The following ATP2C1 variants were observed in gnomAD, a reference collection of about 807,000 sequenced individuals.
The protein encoded by ATP2C1 is ATPase secretory pathway Ca2+ transporting 1, also known as calcium-transporting ATPase type 2C member 1.
Under a neutral mutation model 120.5 loss-of-function variants are expected in ATP2C1, and 31 were observed. The ratio of observed to expected loss-of-function variants is 0.26; its 90% CI spans 0.19 to 0.35. The LOEUF is 0.35. ATP2C1 is among the 10% of genes least tolerant of loss of function. ATP2C1 has a pLI of 1.00. For synonymous variants in ATP2C1, 351 were observed against 358.7 expected, an observed-to-expected ratio of 0.98 and a Z score of 0.24; for missense variants, 731 against 1,107.5, an observed-to-expected ratio of 0.66 and a Z score of 4.83.
intron 12 of ATP2C1, 22 bp from the exon 13 acceptor site, chr3:130,963,949 A>G (rs2060939920): frequency 6.2e-7 from 1 of 1,611,986 alleles, no homozygotes; most frequent in Non-Finnish European, 8.5e-7. Flanking sequence ...ACATTTTAAT[A>G]CTTTGTATAT....
chr3:130,995,720 A>G (rs1263100483), intron 22 of ATP2C1, among the ~76,000 whole-genome samples: 1 of 152,168 alleles, frequency 6.6e-6, no homozygotes, highest in Non-Finnish European at 1.5e-5. Context: ...GGCTCACTGC[A>G]ACCTCCGCCT....
At chr3:130,940,216 G>A (rs1235290880) in intron 6 of ATP2C1, among the ~76,000 whole-genome samples, 1 of 152,148 alleles carries the variant, frequency 6.6e-6, no homozygotes, top group Admixed American at 6.5e-5. Context: ...GTTAGCATGG[G>A]CTTAAATTCC....
chr3:131,002,097 A>C lies in ATP2C1; in HGVS notation c.*747A>C. 9 of 985,598 alleles carry C rather than the reference A, an allele frequency of 9.1e-6. No homozygotes were observed. Among genetic ancestry groups the C allele is most frequent in the Non-Finnish European group, 1.1e-5 (9 of 829,906 alleles). The allele number at this position is 985,598 out of a possible 1,614,324, so 61.1% of individuals were successfully genotyped here. A position where few individuals can be genotyped will look rare whatever the true frequency, so the allele number is the denominator to read the frequency against. The stretch of plus-strand genomic sequence containing the variant: ...GTGGTGTTCTAGGGTAACAGTGTCC[A>C]TAATTAACGCTTAGTCATAGAGTCA... On this transcript the variant is annotated 3_prime_UTR_variant, in exon 28 of 28. Coordinates refer to ENST00000510168, the MANE Select transcript of ATP2C1 (RefSeq NM_001378687.1).
At chr3:130,865,475 A>G (rs2107738017) in intron 1 of ATP2C1, among the ~76,000 whole-genome samples, 1 of 152,192 alleles carries the variant, frequency 6.6e-6, no homozygotes, top group East Asian at 1.9e-4. Context: ...ATGTTAGGAG[A>G]TGATATTTGG....
At chr3:131,006,356 T>C (rs561676068), downstream of ATP2C1, among the ~76,000 whole-genome samples, 7 of 152,146 alleles carry the variant, frequency 4.6e-5, no homozygotes, top group South Asian at 1.5e-3. Flanking sequence ...AGGTGATCCA[T>C]GCGCCTCAGC....
At position 130,898,448 on chromosome 3, in the gene ATP2C1, G is replaced by A. The variant is rs377122849; in HGVS notation, c.6+3673G>A. ...ATTTTATTCCTTTAACTGAAAATAG[G>A]AAACCAGGTTATAAAAATATATCTT... On this transcript the variant is annotated intron_variant, in intron 2 of 27. Transcript: ENST00000510168. 2.0e-5 allele frequency among the ~76,000 whole-genome samples: 3 copies of A among 152,100 alleles called. No homozygotes were observed. The East Asian group carries it at 5.8e-4, about 29-fold the overall frequency.
intron 6 of ATP2C1, among the ~76,000 whole-genome samples, chr3:130,938,928 T>A: frequency 6.6e-6 from 1 of 152,222 alleles, no homozygotes; most frequent in African/African-American, 2.4e-5. Flanking sequence ...CATAAGTCAA[T>A]ATGGAATTTT....
At chr3:130,979,455 T>C (rs2061661674) in intron 19 of ATP2C1, 36 bp downstream of exon 19, 1 of 1,605,170 alleles carries the variant, frequency 6.2e-7, no homozygotes, top group Admixed American at 1.7e-5. Context: ...TTTCGATAGT[T>C]TTTCTTAAAA....
At chr3:131,014,511 A>AT in intron 26 of ATP2C1, 1 of 911,546 alleles carries the variant, frequency 1.1e-6, no homozygotes, top group Non-Finnish European at 1.6e-6. Context: ...CTATAATATT[A>AT]TCGAAATTAC....
chr3:130,885,894 G>T (rs1444623592), intron 1 of ATP2C1, among the ~76,000 whole-genome samples: 4 of 152,134 alleles, frequency 2.6e-5, no homozygotes, highest in Admixed American at 6.5e-5. Context: ...ACACGTGAAG[G>T]TTTGTTACAT....
intron 1 of ATP2C1, among the ~76,000 whole-genome samples, chr3:130,857,034 T>C (rs2067864141): frequency 6.6e-6 from 1 of 152,148 alleles, no homozygotes; most frequent in Non-Finnish European, 1.5e-5. Context: ...ATTTGTATAA[T>C]TATATATAGG....
chr3:130,928,965 C>T (rs961824076), intron 2 of ATP2C1, among the ~76,000 whole-genome samples: 4 of 152,070 alleles, frequency 2.6e-5, no homozygotes, highest in African/African-American at 9.7e-5. Flanking sequence ...AAGTCTTTCC[C>T]CTGTCCTAGT....
At chr3:130,899,116 CA>C (rs1051714787) in intron 2 of ATP2C1, among the ~76,000 whole-genome samples, 8 of 151,482 alleles carry the variant, frequency 5.3e-5, no homozygotes, top group Non-Finnish European at 1.2e-4. Context: ...AAGGATCTCT[CA>C]AAAAAAAGGC....
chr3:130,966,674 A>G (rs888272192), intron 14 of ATP2C1, among the ~76,000 whole-genome samples: 2 of 152,176 alleles, frequency 1.3e-5, no homozygotes, highest in Admixed American at 6.6e-5. Flanking sequence ...ATTGGTGTGT[A>G]ATATGCTGTG....
At chr3:131,005,341 C>CT (rs1331013204), downstream of ATP2C1, among the ~76,000 whole-genome samples, 1 of 152,090 alleles carries the variant, frequency 6.6e-6, no homozygotes, top group African/African-American at 2.4e-5. Flanking sequence ...TGGTCTCGAA[C>CT]TCCTAAGCTC....
chr3:130,980,028 A>G (rs1401733103), intron 19 of ATP2C1, among the ~76,000 whole-genome samples: 1 of 152,176 alleles, frequency 6.6e-6, no homozygotes, highest in Admixed American at 6.5e-5. Context: ...TTGTCTAAGA[A>G]CAGGTCACTA....
chr3:130,926,032 AC>A (rs2108299261), intron 2 of ATP2C1, among the ~76,000 whole-genome samples: 1 of 152,258 alleles, frequency 6.6e-6, no homozygotes, highest in South Asian at 2.1e-4. Flanking sequence ...CAGGGTGGAT[AC>A]TTTGCCCCAG....
chr3:130,958,911 T>G (rs1262186765), intron 11 of ATP2C1, among the ~76,000 whole-genome samples: 1 of 152,196 alleles, frequency 6.6e-6, no homozygotes, highest in Non-Finnish European at 1.5e-5. Context: ...AGAAGACCTA[T>G]ATGTTTGCTG....
At chr3:130,873,569 A>G (rs913778612) in intron 1 of ATP2C1, among the ~76,000 whole-genome samples, 1 of 152,220 alleles carries the variant, frequency 6.6e-6, no homozygotes, top group African/African-American at 2.4e-5. Flanking sequence ...CAGGGTTAAA[A>G]TAACATTTTT....
Sources: allele counts gnomAD v4.1 joint callset (sites outside exome capture counted in the v4.1 genomes callset), GRCh38; gene constraint gnomAD v4.1.1; transcripts MANE v1.5; gene names NCBI Gene and HGNC (gene_info 2026-07-23, HGNC 2026-07-21).